Variants in EVC2 observed in about 807,000 individuals in gnomAD.
EVC2 encodes EvC ciliary complex subunit 2.
In EVC2, 148 loss-of-function variants were observed where a neutral mutation model predicts 149.3. The ratio of observed to expected loss-of-function variants is 0.99; its 90% CI spans 0.87 to 1.14. The LOEUF is 1.14. Among genes scored for constraint, EVC2 ranks in the 50% most tolerant of loss-of-function variants. The pLI is 0.00. For synonymous variants in EVC2, 776 were observed against 649.9 expected (o/e 1.19, Z -2.95); for missense variants, 1,854 against 1,627.3 (o/e 1.14, Z -2.40).
downstream of EVC2, among the ~76,000 whole-genome samples, chr4:5,538,070 A>G (rs1379762812): frequency 6.6e-6 from 1 of 151,858 alleles, no homozygotes; most frequent in Non-Finnish European, 1.5e-5. Flanking sequence ...ATAGAAAAAA[A>G]AAAAAAGGAA....
intron 7 of EVC2, among the ~76,000 whole-genome samples, chr4:5,672,678 C>T (rs1228210721): frequency 3.9e-5 from 6 of 152,128 alleles, no homozygotes; most frequent in Admixed American, 3.3e-4. Context: ...CAAGCATATA[C>T]CCCAAATAAT....
At chr4:5,684,130 T>C (rs989805504) in intron 6 of EVC2, among the ~76,000 whole-genome samples, 2 of 152,270 alleles carry the variant, frequency 1.3e-5, no homozygotes, top group Non-Finnish European at 2.9e-5. Flanking sequence ...TATGATTTCT[T>C]CTGGACCATT....
intron 1 of EVC2, among the ~76,000 whole-genome samples, chr4:5,698,561 T>C (rs73795003): frequency 0.15 from 22,103 of 152,166 alleles, 1,783 homozygotes; most frequent in South Asian, 0.2. Context: ...ATCACTGGGC[T>C]CTAGAAAGAC....
At chr4:5,647,752 T>G (rs1235933837) in intron 9 of EVC2, among the ~76,000 whole-genome samples, 1 of 152,192 alleles carries the variant, frequency 6.6e-6, no homozygotes, top group African/African-American at 2.4e-5. Context: ...TCCCCAGAAC[T>G]GCAAACACGT....
At chr4:5,666,281 T>A (rs188806745) in intron 7 of EVC2, among the ~76,000 whole-genome samples, 1 of 151,842 alleles carries the variant, frequency 6.6e-6, no homozygotes, top group African/African-American at 2.4e-5. Context: ...TATAGGTTAA[T>A]CCCAGCAACT....
At chr4:5,620,764 G>C (rs1009021142) in intron 14 of EVC2, among the ~76,000 whole-genome samples, 1 of 152,150 alleles carries the variant, frequency 6.6e-6, no homozygotes, top group South Asian at 2.1e-4. Context: ...AGTTGCTTTA[G>C]TAACACTCCC....
chr4:5,575,147 G>C (rs1296942329), intron 18 of EVC2, among the ~76,000 whole-genome samples: 2 of 152,200 alleles, frequency 1.3e-5, no homozygotes, highest in Non-Finnish European at 2.9e-5. Flanking sequence ...CCCTTGGATT[G>C]ATGCAGACCC....
rs1051836719 is a variant in EVC2 at position 5,696,398 on chromosome 4, T to C, written c.283+1195A>G. Among the ~76,000 whole-genome samples, 1 of 151,908 alleles carries C rather than the reference T, an allele frequency of 6.6e-6. No homozygotes were observed. Among genetic ancestry groups the C allele is most frequent in the Admixed American group, 6.6e-5 (1 of 15,252 alleles). Reference sequence around the variant, plus strand: ...TGGGGCCCACCCGAATCCCAGCCCATCCCATTCCCCAGGACACCAGAGTTA... The same window carrying C: ...TGGGGCCCACCCGAATCCCAGCCCACCCCATTCCCCAGGACACCAGAGTTA... On this transcript the variant is annotated intron_variant, in intron 2 of 21. Coordinates refer to ENST00000344408, the MANE Select transcript of EVC2 (RefSeq NM_147127.5). This position sits in a 1 kb window ranked among gnomAD's most constrained non-coding sequence, Gnocchi z 4.1.
At chr4:5,620,596 A>G in intron 14 of EVC2, among the ~76,000 whole-genome samples, 1 of 152,322 alleles carries the variant, frequency 6.6e-6, no homozygotes, top group Admixed American at 6.5e-5. Flanking sequence ...CTCGGAAATA[A>G]AGGCTGCAAC....
intron 6 of EVC2, among the ~76,000 whole-genome samples, chr4:5,683,581 C>G (rs7663938): frequency 6.6e-6 from 1 of 151,966 alleles, no homozygotes; most frequent in African/African-American, 2.4e-5. Context: ...ACGGAGCTGA[C>G]ATTCTAGTGA....
chr4:5,643,577 G>A (rs1717493883), intron 9 of EVC2, among the ~76,000 whole-genome samples: 1 of 152,210 alleles, frequency 6.6e-6, no homozygotes, highest in Admixed American at 6.5e-5. Flanking sequence ...GGGCCCCTAA[G>A]AGGGCAGAGG....
intron 21 of EVC2, among the ~76,000 whole-genome samples, chr4:5,550,501 C>T (rs1721716760): frequency 6.6e-6 from 1 of 152,178 alleles, no homozygotes; most frequent in Non-Finnish European, 1.5e-5. Flanking sequence ...AAATTTCTAG[C>T]AGCAAAGCAT....
chr4:5,601,977 A>G (rs1478038467), intron 16 of EVC2, among the ~76,000 whole-genome samples: 1 of 152,198 alleles, frequency 6.6e-6, no homozygotes, highest in Non-Finnish European at 1.5e-5. Flanking sequence ...TCTACCATCA[A>G]GAAGAGGATT....
chr4:5,632,566 T>C (rs190917260), intron 10 of EVC2, among the ~76,000 whole-genome samples: 63 of 152,334 alleles, frequency 4.1e-4, no homozygotes, highest in African/African-American at 1.5e-3. Flanking sequence ...CAGTGGGTCA[T>C]GCTGTCAGGC....
At chr4:5,591,103 C>T (rs1205602612) in intron 16 of EVC2, among the ~76,000 whole-genome samples, 1 of 152,134 alleles carries the variant, frequency 6.6e-6, no homozygotes, top group African/African-American at 2.4e-5. Context: ...GGTGGAGACA[C>T]AGGACCCATG....
At chr4:5,669,924 C>G (rs1243031770) in intron 7 of EVC2, among the ~76,000 whole-genome samples, 2 of 152,296 alleles carry the variant, frequency 1.3e-5, no homozygotes, top group Non-Finnish European at 2.9e-5. Flanking sequence ...CTGTCACCCC[C>G]TTCTCTTACA....
chr4:5,635,295 C>A (rs2108856027), intron 10 of EVC2, among the ~76,000 whole-genome samples: 1 of 152,130 alleles, frequency 6.6e-6, no homozygotes, highest in East Asian at 1.9e-4. Flanking sequence ...TCTCGGCATC[C>A]CAAAGTGTTG....
chr4:5,650,395 G>A (rs1718020416), intron 9 of EVC2, among the ~76,000 whole-genome samples: 1 of 151,860 alleles, frequency 6.6e-6, no homozygotes, highest in Non-Finnish European at 1.5e-5. Flanking sequence ...ATTTCATTAT[G>A]TTTGGAAGCA....
intron 16 of EVC2, among the ~76,000 whole-genome samples, chr4:5,607,666 G>A (rs1206968101): frequency 6.6e-6 from 1 of 152,100 alleles, no homozygotes; most frequent in Non-Finnish European, 1.5e-5. Flanking sequence ...AGTCATACAA[G>A]TCTTTCTGAA....
Sources: gnomAD v4.1 joint callset for allele counts (sites outside exome capture counted in the v4.1 genomes callset) on GRCh38, gnomAD v4.1.1 for gene constraint, Gnocchi (gnomAD v3.1) non-coding constraint, MANE v1.5 for transcripts, NCBI Gene and HGNC (gene_info 2026-07-23, HGNC 2026-07-21) for gene names.